Variants in CYTH4 observed in about 807,000 individuals in gnomAD.
The protein encoded by CYTH4 is cytohesin-4.
A neutral mutation model predicts 57.5 loss-of-function variants in CYTH4; 22 were observed. The ratio of observed to expected loss-of-function variants is 0.38; its 90% CI spans 0.27 to 0.55. The LOEUF (loss-of-function observed/expected upper bound fraction) is 0.55. Among genes scored for constraint, CYTH4 ranks in the 20% least tolerant of loss-of-function variants. The pLI is 0.74. For missense variants in CYTH4, 420 were observed against 535.6 expected, an observed-to-expected ratio of 0.78 and a Z score of 2.13; for synonymous variants, 186 against 206.5, an observed-to-expected ratio of 0.90 and a Z score of 0.85.
chr22:37,300,013 C>A (rs961898018), intron 6 of CYTH4: 2 of 715,326 alleles, frequency 2.8e-6, no homozygotes, highest in African/African-American at 3.5e-5. Flanking sequence ...ATAAACCTTC[C>A]TGTGCCCCAG....
intron 6 of CYTH4, chr22:37,300,088 G>C (rs1929124790): frequency 2.8e-6 from 2 of 717,408 alleles, no homozygotes; most frequent in Admixed American, 2.0e-5. Flanking sequence ...AGACTAAATG[G>C]GAAAGTGTTT....
intron 1 of CYTH4, among the ~76,000 whole-genome samples, chr22:37,287,740 A>C (rs1928606496): frequency 6.6e-6 from 1 of 152,208 alleles, no homozygotes; most frequent in Admixed American, 6.5e-5. Flanking sequence ...TGCAGTTCCC[A>C]GCACTGCCAC....
intron 8 of CYTH4, among the ~76,000 whole-genome samples, chr22:37,308,090 G>A (rs1249838846): frequency 1.3e-5 from 2 of 152,212 alleles, no homozygotes; most frequent in Non-Finnish European, 2.9e-5. Context: ...CTTAGGAGAG[G>A]GGCTTTTGAG....
intron 8 of CYTH4, 54 bp downstream of exon 8, chr22:37,303,456 G>A (rs1297534040): frequency 6.4e-7 from 1 of 1,568,050 alleles, no homozygotes; most frequent in East Asian, 2.3e-5. Context: ...GGAGGGACCT[G>A]TCCTTAGATG....
At position 37,298,985 on chromosome 22, in the gene CYTH4, C is replaced by T. The variant is rs1029320411; in HGVS notation, c.354-241C>T. 3.3e-5 allele frequency among the ~76,000 whole-genome samples: 5 copies of T among 152,152 alleles called. No homozygotes were observed. Among genetic ancestry groups the T allele is most frequent in the Admixed American group, 3.3e-4 (5 of 15,284 alleles). ...GCAAGGCCGCTCCAAAGCCAGGGCT[C>T]CCCTCCCAGGCCAGACCAGCGCTGG... On this transcript the variant is annotated intron_variant, in intron 5 of 12. Transcript: ENST00000248901. This position sits in a 1 kb window ranked among gnomAD's most constrained non-coding sequence, Gnocchi z 4.1.
Position 37,312,193 on chromosome 22 carries a change from T to C in CYTH4, c.1112+19T>C, listed in dbSNP as rs769013997. ...CCATCCGGTAAGGGGTGCCCAGGTC[T>C]GGGGACGGCTTCCCGTCACCTTCCA... On this transcript the variant is annotated intron_variant, in intron 12 of 12. Coordinates refer to ENST00000248901, the MANE Select transcript of CYTH4 (RefSeq NM_013385.5). 1 of 1,607,638 alleles carries C rather than the reference T, an allele frequency of 6.2e-7. No homozygotes were observed. The highest frequency in any genetic ancestry group is 8.5e-7 in the Non-Finnish European group (1 of 1,174,542).
intron 8 of CYTH4, among the ~76,000 whole-genome samples, chr22:37,308,881 T>C (rs908065896): frequency 1.3e-5 from 2 of 152,064 alleles, no homozygotes; most frequent in Non-Finnish European, 1.5e-5. Flanking sequence ...TGCGTGTGTG[T>C]GCACGTGTGT....
At chr22:37,310,770 G>T (rs969486290) in intron 9 of CYTH4, among the ~76,000 whole-genome samples, 36 of 152,110 alleles carry the variant, frequency 2.4e-4, no homozygotes, top group Admixed American at 2.4e-3. Flanking sequence ...CCACCCAAAC[G>T]CCAGCTCAAG....
chr22:37,294,725 G>A lies in CYTH4; in HGVS notation c.167+1G>A, dbSNP rs1365805112. 1 of 1,613,858 alleles carries A rather than the reference G, an allele frequency of 6.2e-7. No individual in the cohort carries two copies. The highest frequency in any genetic ancestry group is 2.2e-5 in the East Asian group (1 of 44,882). On this transcript the variant is annotated splice_donor_variant, in intron 3 of 12. Transcript: ENST00000248901. LOFTEE classifies it high-confidence loss of function. ...ACTGCTTCGAGAGTGCGGAGGAGAG[G>A]TGAGGGGCTTGGGTGGGGACCCCCA...
At chr22:37,302,492 C>A (rs1569109592) in intron 7 of CYTH4, among the ~76,000 whole-genome samples, 1 of 152,192 alleles carries the variant, frequency 6.6e-6, no homozygotes, top group African/African-American at 2.4e-5. Flanking sequence ...ACAGGGCAAG[C>A]ACCAACAACG....
chr22:37,287,072 G>T (rs1385830379), intron 1 of CYTH4, among the ~76,000 whole-genome samples: 2 of 152,126 alleles, frequency 1.3e-5, no homozygotes, highest in African/African-American at 4.8e-5. Context: ...AGGAATTCAG[G>T]AAGAGGATGG....
rs973925243 is a variant in CYTH4 at position 37,298,240 on chromosome 22, G to A, written c.353+558G>A. 6.5e-6 allele frequency: 1 copy of A among 154,744 alleles called. No individual in the cohort carries two copies. The highest frequency in any genetic ancestry group is 1.4e-5 in the Non-Finnish European group (1 of 69,374). The allele number at this position is 154,744 out of a possible 1,614,324, so 9.6% of individuals were successfully genotyped here. On this transcript the variant is annotated intron_variant, in intron 5 of 12. Coordinates refer to ENST00000248901, the MANE Select transcript of CYTH4 (RefSeq NM_013385.5). This position sits in a 1 kb window ranked among gnomAD's most constrained non-coding sequence, Gnocchi z 4.1. ...AAATTAGCCGGATGTGGTGGCAGGT[G>A]CCTGTAGTCCCAGTTACTCAGGAGG...
intron 12 of CYTH4, among the ~76,000 whole-genome samples, chr22:37,312,902 G>A (rs1030694978): frequency 4.6e-5 from 7 of 152,268 alleles, no homozygotes; most frequent in Non-Finnish European, 1.0e-4. Context: ...GTGGCCAGAG[G>A]AAGGCTGAAG....
intron 8 of CYTH4, among the ~76,000 whole-genome samples, chr22:37,306,474 C>T (rs777616697): frequency 1.3e-5 from 2 of 152,202 alleles, no homozygotes; most frequent in Non-Finnish European, 2.9e-5. Flanking sequence ...CCAGAGGTCT[C>T]ATAGTTTATG....
intron 1 of CYTH4, among the ~76,000 whole-genome samples, chr22:37,287,569 C>T (rs911782794): frequency 4.6e-5 from 7 of 152,256 alleles, no homozygotes; most frequent in African/African-American, 1.7e-4. Context: ...CCAGCTCCTG[C>T]CGGAAGAGTT....
intron 6 of CYTH4, chr22:37,300,284 G>T: frequency 1.4e-6 from 1 of 713,586 alleles, no homozygotes; most frequent in Non-Finnish European, 2.6e-6. Flanking sequence ...AGGTGACTTG[G>T]GAGTCTCCCA....
In CYTH4 at chr22:37,303,346, G is replaced by A. The variant is rs146595470; in HGVS notation, c.640G>A (p.Val214Met). 319 of 1,614,060 alleles carry A rather than the reference G, an allele frequency of 2.0e-4. No individual in the cohort carries two copies. Among genetic ancestry groups the A allele is most frequent in the Non-Finnish European group, 2.6e-4 (303 of 1,180,026 alleles). The stretch of plus-strand genomic sequence containing the variant: ...GGACAGGCCGCCTTTTGAGCGCTTT[G>A]TGTCCATGAACCGCGGCATCAACAA... ...VRDRPPFERF[V>M]SMNRGINNGS... Residue 214 changes from valine to methionine, a missense_variant, in exon 8 of 13, where the codon GTG becomes ATG. By Grantham distance (21) the Val-to-Met change is conservative. Coordinates refer to ENST00000248901, the MANE Select transcript of CYTH4 (RefSeq NM_013385.5).
intron 7 of CYTH4, among the ~76,000 whole-genome samples, chr22:37,303,026 C>T (rs1003044021): frequency 1.3e-5 from 2 of 151,914 alleles, no homozygotes; most frequent in Admixed American, 6.6e-5. Context: ...CAGGAGCGTA[C>T]GCGCGGAGGT....
At chr22:37,291,195 GATTT>G (rs1169862008) in intron 1 of CYTH4, among the ~76,000 whole-genome samples, 6 of 152,150 alleles carry the variant, frequency 3.9e-5, no homozygotes, top group Non-Finnish European at 8.8e-5. Context: ...TCTCAAAACT[GATTT>G]ATTTCTTATT....
Sources: allele counts gnomAD v4.1 joint callset (sites outside exome capture counted in the v4.1 genomes callset), GRCh38; gene constraint gnomAD v4.1.1; non-coding constraint Gnocchi (gnomAD v3.1); transcripts MANE v1.5; gene names NCBI Gene and HGNC (gene_info 2026-07-23, HGNC 2026-07-21).